The following LRGUK variants were observed in gnomAD, a reference collection of about 807,000 sequenced individuals.
LRGUK encodes the protein leucine rich repeats and guanylate kinase domain containing.
A neutral mutation model predicts 76.0 loss-of-function variants in LRGUK; 65 were observed. That is an observed-to-expected ratio of 0.85 (90% CI 0.70 to 1.05). LRGUK has a LOEUF of 1.05. Ranked by LOEUF, LRGUK falls within the 50% of genes least tolerant of loss-of-function variation. The pLI, the probability that LRGUK is intolerant of heterozygous loss-of-function variation, is 0.00. For missense variants in LRGUK, 758 were observed against 732.8 expected, an observed-to-expected ratio of 1.03 and a Z score of -0.40; for synonymous variants, 268 against 265.6, an observed-to-expected ratio of 1.01 and a Z score of -0.09.
chr7:134,229,024 A>G (rs935885836), intron 16 of LRGUK, among the ~76,000 whole-genome samples: 5 of 152,068 alleles, frequency 3.3e-5, no homozygotes, highest in South Asian at 2.1e-4. Flanking sequence ...AACATAAAAC[A>G]TATAAAAATA....
At chr7:134,249,050 T>C in exon 18 of LRGUK, 1 of 1,590,312 alleles carries the variant, frequency 6.3e-7, no homozygotes, top group South Asian at 1.2e-5. Context: ...ATTTTAAACC[T>C]CCATTTGGAC....
chr7:134,244,459 A>T (rs532189292), intron 16 of LRGUK, among the ~76,000 whole-genome samples: 2 of 152,360 alleles, frequency 1.3e-5, no homozygotes, highest in South Asian at 4.1e-4. Context: ...AAACATGCTC[A>T]TCATTACTGG....
the LRGUK span, among the ~76,000 whole-genome samples, chr7:134,276,028 C>G: frequency 3.9e-5 from 6 of 152,142 alleles, no homozygotes; most frequent in Non-Finnish European, 8.8e-5. Flanking sequence ...CTCATGGTGA[C>G]CCTAAGACCT....
exon 1 of LRGUK, chr7:134,127,569 C>A: frequency 6.2e-7 from 1 of 1,614,180 alleles, no homozygotes; most frequent in Non-Finnish European, 8.5e-7. Flanking sequence ...GCTCATGCAC[C>A]GCTATCAGGA....
At chr7:134,260,411 T>G (rs1802692727) in intron 19 of LRGUK, among the ~76,000 whole-genome samples, 1 of 152,228 alleles carries the variant, frequency 6.6e-6, no homozygotes, top group Non-Finnish European at 1.5e-5. Context: ...CTTTTCTGTT[T>G]GTTTGTATGC....
rs866404254 is a variant in LRGUK at position 134,235,933 on chromosome 7, T to C, written c.1984-11623T>C. Reference sequence around the variant, plus strand: ...GTGTCAATATTATATTTTTATTTGCTAAATCAAGACAATGCTAGAACAAAT... The same window carrying C: ...GTGTCAATATTATATTTTTATTTGCCAAATCAAGACAATGCTAGAACAAAT... On this transcript the variant is annotated intron_variant, in intron 16 of 19. Transcript: ENST00000285928. Among the ~76,000 whole-genome samples, 3 of 152,190 alleles carry C rather than the reference T, an allele frequency of 2.0e-5. No homozygotes were observed. The South Asian group carries it at 6.2e-4, about 32-fold the overall frequency.
At chr7:134,222,842 C>T (rs1801636261) in intron 16 of LRGUK, among the ~76,000 whole-genome samples, 1 of 152,088 alleles carries the variant, frequency 6.6e-6, no homozygotes, top group Non-Finnish European at 1.5e-5. Flanking sequence ...AGGTGATCTG[C>T]TTGCCTCGGC....
chr7:134,247,491 T>G (rs1802333084), intron 16 of LRGUK, 65 bp from the exon 17 acceptor site: 1 of 1,159,730 alleles, frequency 8.6e-7, no homozygotes, highest in Non-Finnish European at 1.3e-6. Flanking sequence ...AGAATTATTA[T>G]AGATGTTTTA....
intron 12 of LRGUK, 122 bp from the exon 13 acceptor site, chr7:134,196,870 A>G (rs1800507176): frequency 1.7e-6 from 1 of 573,210 alleles, no homozygotes; most frequent in Non-Finnish European, 3.1e-6. Flanking sequence ...TCATCCTTAT[A>G]TAGTTGCTAA....
At chr7:134,128,159 A>G (rs2116775203) in intron 1 of LRGUK, among the ~76,000 whole-genome samples, 1 of 152,228 alleles carries the variant, frequency 6.6e-6, no homozygotes, top group South Asian at 2.1e-4. Context: ...TTCAAAGACT[A>G]AGTGACTTAA....
At chr7:134,250,916 T>G (rs1585602126) in intron 18 of LRGUK, among the ~76,000 whole-genome samples, 1 of 152,234 alleles carries the variant, frequency 6.6e-6, no homozygotes, top group African/African-American at 2.4e-5. Flanking sequence ...CCCGTGGTCA[T>G]GCATATGTCT....
intron 4 of LRGUK, 82 bp from the exon 5 acceptor site, chr7:134,148,156 C>T (rs937280809): frequency 3.6e-6 from 3 of 843,804 alleles, no homozygotes; most frequent in Non-Finnish European, 5.8e-6. Flanking sequence ...TCAAAAATAC[C>T]TTCTTCTTGC....
intron 16 of LRGUK, among the ~76,000 whole-genome samples, chr7:134,234,784 C>T (rs1377319301): frequency 3.3e-5 from 5 of 149,872 alleles, no homozygotes; most frequent in Admixed American, 3.3e-4. Flanking sequence ...TTTTCCTTTT[C>T]TTCCTTTCCC....
At chr7:134,195,604 G>C (rs1044210350) in intron 12 of LRGUK, among the ~76,000 whole-genome samples, 1 of 152,112 alleles carries the variant, frequency 6.6e-6, no homozygotes, top group African/African-American at 2.4e-5. Flanking sequence ...GTGGCAGTCT[G>C]CTTCCTTGAA....
downstream of LRGUK, among the ~76,000 whole-genome samples, chr7:134,268,775 G>A (rs1483222912): frequency 3.3e-5 from 4 of 121,988 alleles, no homozygotes; most frequent in African/African-American, 1.3e-4. Context: ...TGTTGCCCAG[G>A]CTGGAGTGCA....
downstream of LRGUK, among the ~76,000 whole-genome samples, chr7:134,266,676 A>T (rs943432737): frequency 2.6e-5 from 4 of 152,214 alleles, 1 homozygote; most frequent in Admixed American, 2.0e-4. Flanking sequence ...AAAAGATCTA[A>T]TGTTTGTGTC....
chr7:134,256,857 C>T (rs1703337196), intron 18 of LRGUK, among the ~76,000 whole-genome samples: 1 of 152,118 alleles, frequency 6.6e-6, no homozygotes, highest in East Asian at 1.9e-4. Context: ...GTCTGTAAGC[C>T]GAACAGGGCA....
intron 1 of LRGUK, among the ~76,000 whole-genome samples, chr7:134,134,289 T>G (rs1271948536): frequency 6.6e-6 from 1 of 152,062 alleles, no homozygotes; most frequent in African/African-American, 2.4e-5. Context: ...GGTGGAGCAG[T>G]TTAGCATGAT....
intron 15 of LRGUK, among the ~76,000 whole-genome samples, chr7:134,219,978 T>C (rs1801542999): frequency 6.6e-6 from 1 of 152,162 alleles, no homozygotes; most frequent in South Asian, 2.1e-4. Context: ...CGTTACTTGA[T>C]ATTATTTAAC....
Sources: allele counts gnomAD v4.1 joint callset (sites outside exome capture counted in the v4.1 genomes callset), GRCh38; gene constraint gnomAD v4.1.1; transcripts MANE v1.5; gene names NCBI Gene and HGNC (gene_info 2026-07-23, HGNC 2026-07-21).